ZDHHC7: variants seen among roughly 807,000 people sequenced by gnomAD.
ZDHHC7 encodes palmitoyltransferase ZDHHC7.
A neutral mutation model predicts 34.1 loss-of-function variants in ZDHHC7; 12 were observed. That is an observed-to-expected ratio of 0.35 (90% confidence interval 0.23 to 0.57). The LOEUF is 0.57. Among genes scored for constraint, ZDHHC7 ranks in the 20% least tolerant of loss-of-function variants. The probability of loss-of-function intolerance (pLI) is 0.84; values close to 1 mark genes in which losing one functional copy is unlikely to be tolerated. For missense variants in ZDHHC7, 388 were observed against 402.7 expected, an observed-to-expected ratio of 0.96 and a Z score of 0.31; for synonymous variants, 185 against 155.4, an observed-to-expected ratio of 1.19 and a Z score of -1.42.
intron 3 of ZDHHC7, among the ~76,000 whole-genome samples, chr16:84,985,902 C>G (rs1388087595): frequency 7.4e-6 from 1 of 135,588 alleles, no homozygotes; most frequent in Non-Finnish European, 1.5e-5. Flanking sequence ...TTTCAATGAG[C>G]TGAGATCCTG....
Position 84,992,155 on chromosome 16 carries a change from C to CAAA in ZDHHC7, c.-17-1523_-17-1521dup, listed in dbSNP as rs201200619. On this transcript the variant is annotated intron_variant, in intron 2 of 7. Transcript: ENST00000313732. ...CACGCCACTGCACTGGACTCAGTCT[C>CAAA]AAAAAAAAAAAGAAAAGAAAAGAAA... Among the ~76,000 whole-genome samples the CAAA allele has an allele frequency of 4.3e-3, 575 of 133,752 alleles. 6 individuals carry two copies. Among genetic ancestry groups the CAAA allele is most frequent in the African/African-American group, 0.014 (497 of 36,574 alleles). 87.7% of individuals were successfully genotyped at this position (133,752 alleles called of 152,430 possible).
intron 2 of ZDHHC7, 23 bp from the exon 3 acceptor site, chr16:84,990,658 G>T (rs969286530): frequency 6.3e-7 from 1 of 1,583,370 alleles, no homozygotes; most frequent in Admixed American, 1.7e-5. Context: ...ACGACACAGA[G>T]CTGGTAAGGC....
chr16:85,008,373 T>C (rs2072745174), intron 1 of ZDHHC7, among the ~76,000 whole-genome samples: 1 of 151,950 alleles, frequency 6.6e-6, no homozygotes, highest in South Asian at 2.1e-4. Context: ...ATGCATACTG[T>C]CACACATCAA....
chr16:84,990,158 G>T (rs2072489337), intron 3 of ZDHHC7, 146 bp downstream of exon 3: 2 of 937,788 alleles, frequency 2.1e-6, no homozygotes, highest in East Asian at 2.6e-5. Flanking sequence ...AAGGGAATCT[G>T]CTCCCAAAAT....
upstream of ZDHHC7, among the ~76,000 whole-genome samples, chr16:85,011,730 G>A (rs988612051): frequency 3.3e-5 from 5 of 152,210 alleles, no homozygotes; most frequent in Admixed American, 6.5e-5. Flanking sequence ...GGAGGAGAAA[G>A]GATAGGGGCT....
chr16:85,017,406 G>A, the ZDHHC7 span, among the ~76,000 whole-genome samples: 2 of 152,166 alleles, frequency 1.3e-5, no homozygotes, highest in African/African-American at 4.8e-5. Context: ...CACTGCTGGT[G>A]AGAGTGTAAT....
At chr16:84,979,459 T>G in intron 4 of ZDHHC7, 174 bp from the exon 5 acceptor site, 5 of 685,522 alleles carry the variant, frequency 7.3e-6, no homozygotes, top group Non-Finnish European at 9.0e-6. Flanking sequence ...TAATTAAATG[T>G]CTTCCGTTTC....
At chr16:85,012,165 T>G (rs111319839), upstream of ZDHHC7, among the ~76,000 whole-genome samples, 4,979 of 152,222 alleles carry the variant, frequency 0.033, 109 homozygotes, top group Non-Finnish European at 0.05. Flanking sequence ...GCTGATCACT[T>G]GAGGTCAGGA....
upstream of ZDHHC7, among the ~76,000 whole-genome samples, chr16:85,015,339 G>A (rs1324345984): frequency 1.3e-5 from 2 of 151,972 alleles, no homozygotes; most frequent in Non-Finnish European, 2.9e-5. Context: ...GACCTCAGGC[G>A]ATCCACCCAC....
intron 1 of ZDHHC7, among the ~76,000 whole-genome samples, chr16:85,006,994 C>T (rs1215284294): frequency 6.6e-6 from 1 of 151,616 alleles, no homozygotes; most frequent in African/African-American, 2.4e-5. Context: ...GCACCCACTA[C>T]CTATAAGACA....
At chr16:84,989,003 G>A in intron 3 of ZDHHC7, 2 of 899,576 alleles carry the variant, frequency 2.2e-6, no homozygotes, top group South Asian at 1.6e-5. Context: ...AGGAAGGAGA[G>A]GGCGGAGACA....
At chr16:85,012,476 TTAA>T (rs2072807602), upstream of ZDHHC7, among the ~76,000 whole-genome samples, 1 of 151,874 alleles carries the variant, frequency 6.6e-6, no homozygotes, top group African/African-American at 2.4e-5. Context: ...ATTTAACTCA[TTAA>T]TGATGGTATA....
the ZDHHC7 span, among the ~76,000 whole-genome samples, chr16:85,026,439 G>A: frequency 6.6e-6 from 1 of 152,172 alleles, no homozygotes; most frequent in African/African-American, 2.4e-5. Context: ...CATGCATGGT[G>A]GCCACACCCA....
the ZDHHC7 span, among the ~76,000 whole-genome samples, chr16:85,025,359 G>A: frequency 6.6e-6 from 1 of 151,796 alleles, no homozygotes; most frequent in Non-Finnish European, 1.5e-5. Context: ...CATCACTTGT[G>A]CCCCTGGATC....
rs1215833805 is a variant in ZDHHC7, at chr16:84,982,000, A to G, written c.316-6T>C. ...TTTCCTTTGGGTACTGCCCCCTACCATATAAGAAGAATGTACTTTAGTTGG... is the reference window on the plus strand; with the variant it reads ...TTTCCTTTGGGTACTGCCCCCTACCGTATAAGAAGAATGTACTTTAGTTGG... On this transcript the variant is annotated splice_polypyrimidine_tract_variant and splice_region_variant and intron_variant, in intron 3 of 7. Coordinates refer to ENST00000313732, the MANE Select transcript of ZDHHC7 (RefSeq NM_017740.3). 1.2e-6 allele frequency: 2 copies of G among 1,613,914 alleles called. No individual in the cohort carries two copies. The highest frequency in any genetic ancestry group is 2.2e-5 in the East Asian group (1 of 44,868).
intron 1 of ZDHHC7, among the ~76,000 whole-genome samples, chr16:85,007,633 T>C (rs572488704): frequency 8.5e-5 from 13 of 152,100 alleles, no homozygotes; most frequent in Non-Finnish European, 7.4e-5. Context: ...AAGGAGGGAC[T>C]GTCTCTTCCT....
chr16:84,979,955 T>G (rs867278981), intron 4 of ZDHHC7, among the ~76,000 whole-genome samples: 12,074 of 141,538 alleles, frequency 0.085, 635 homozygotes, highest in African/African-American at 0.17. Context: ...TCACCTTTTT[T>G]TTTTTTTTTT....
the ZDHHC7 span, among the ~76,000 whole-genome samples, chr16:85,025,591 G>A: frequency 6.6e-6 from 1 of 152,092 alleles, no homozygotes; most frequent in Non-Finnish European, 1.5e-5. Flanking sequence ...TGTATTTTTA[G>A]TAGAGACCAG....
intron 1 of ZDHHC7, among the ~76,000 whole-genome samples, chr16:85,009,182 C>T (rs78856588): frequency 0.17 from 26,052 of 151,914 alleles, 3,176 homozygotes; most frequent in East Asian, 0.32. Context: ...TAACTTTCTA[C>T]ATGAACTTAT....
Sources: allele counts gnomAD v4.1 joint callset (sites outside exome capture counted in the v4.1 genomes callset), GRCh38; gene constraint gnomAD v4.1.1; transcripts MANE v1.5; gene names NCBI Gene and HGNC (gene_info 2026-07-23, HGNC 2026-07-21).